Variants in GLI1 observed in about 807,000 individuals in gnomAD.
The protein encoded by GLI1 is transcription activator GLI1.
In GLI1, 51 loss-of-function variants were observed where a neutral mutation model predicts 87.8. The observed-to-expected ratio is 0.58, with a 90% CI of 0.46 to 0.73. The LOEUF is 0.73. GLI1 is among the 30% of genes least tolerant of loss of function. The probability of loss-of-function intolerance (pLI) is 0.00; values close to 1 mark genes in which losing one functional copy is unlikely to be tolerated. For synonymous variants in GLI1, 528 were observed against 558.2 expected (o/e 0.95, Z 0.76); for missense variants, 1,292 against 1,437.2 (o/e 0.90, Z 1.63).
intron 3 of GLI1, among the ~76,000 whole-genome samples, 180 bp from the exon 4 acceptor site, chr12:57,464,493 G>C (rs998621578): frequency 8.7e-5 from 13 of 150,260 alleles, no homozygotes; most frequent in Non-Finnish European, 4.4e-5. Context: ...ACGCACTCCA[G>C]CCTGGGTTAC....
Position 57,463,721 on chromosome 12 carries a change from C to T in GLI1, c.30C>T (p.Ile10=). ...TCAACTCGATGACCCCACCACCAATCAGTAGCTATGGCGAGCCCTGCTGTC... is the reference window on the plus strand; with the variant it reads ...TCAACTCGATGACCCCACCACCAATTAGTAGCTATGGCGAGCCCTGCTGTC... The part of the protein sequence containing the change: MFNSMTPPP[I]SSYGEPCCLR... The change falls in exon 2 of 12, where the codon ATC becomes ATT. Residue 10 remains isoleucine, a synonymous_variant. Transcript: ENST00000228682. 1 of 1,612,614 alleles carries T rather than the reference C, an allele frequency of 6.2e-7. No individual in the cohort carries two copies. The highest frequency in any genetic ancestry group is 8.5e-7 in the Non-Finnish European group (1 of 1,179,544).
rs1425774581 is a variant in GLI1, at chr12:57,472,117, C to G, written c.*56C>G. 40 of 1,291,312 alleles carry G rather than the reference C, an allele frequency of 3.1e-5. No homozygotes were observed. The highest frequency in any genetic ancestry group is 1.8e-5 in the Non-Finnish European group (17 of 954,656). The allele number at this position is 1,291,312 out of a possible 1,614,324, so 80.0% of individuals were successfully genotyped here. On this transcript the variant is annotated 3_prime_UTR_variant, in exon 12 of 12. Transcript: ENST00000228682. The stretch of plus-strand genomic sequence containing the variant: ...CATTTCCTAAGGGGTTTCTATCCTT[C>G]CAGAAAAATTGGGGGAGCTGCAGTC...
At position 57,465,939 on chromosome 12, in the gene GLI1, G is replaced by C; in HGVS notation, c.762+14G>C. 6.2e-7 allele frequency: 1 copy of C among 1,611,912 alleles called. No individual in the cohort carries two copies. Among genetic ancestry groups the C allele is most frequent in the South Asian group, 1.1e-5 (1 of 90,966 alleles). On this transcript the variant is annotated intron_variant, in intron 7 of 11. Coordinates refer to ENST00000228682, the MANE Select transcript of GLI1 (RefSeq NM_005269.3). ...CAGCTGGTGCACGTGAGCCCCAGGG[G>C]GTAACAGGAATGGCTAGCCAGAACC...
intron 1 of GLI1, among the ~76,000 whole-genome samples, chr12:57,462,093 C>T (rs1871175394): frequency 6.6e-6 from 1 of 152,128 alleles, no homozygotes; most frequent in South Asian, 2.1e-4. Flanking sequence ...ACTGAGTAGG[C>T]AAGTTTGGGG....
intron 9 of GLI1, 28 bp downstream of exon 9, chr12:57,467,525 C>G: frequency 6.4e-7 from 1 of 1,562,296 alleles, no homozygotes; most frequent in Non-Finnish European, 8.7e-7. Context: ...GCGACCCTCC[C>G]CTCTTGAGAA....
chr12:57,466,428 A>G, intron 8 of GLI1, 39 bp downstream of exon 8: 1 of 1,551,826 alleles, frequency 6.4e-7, no homozygotes, highest in Non-Finnish European at 8.8e-7. Context: ...TCTCTTCCTA[A>G]ATCAGGGCTC....
chr12:57,464,103 G>C lies in GLI1; in HGVS notation c.193+12G>C. On this transcript the variant is annotated intron_variant, in intron 3 of 11. Coordinates refer to ENST00000228682, the MANE Select transcript of GLI1 (RefSeq NM_005269.3). ...CAGCTGCACCGAGGGTGAGGGCTCA[G>C]GCAACACCTCTTCCCTTTCTGCCCC... 1 of 1,524,680 alleles carries C rather than the reference G, an allele frequency of 6.6e-7. No individual in the cohort carries two copies. Among genetic ancestry groups the C allele is most frequent in the Non-Finnish European group, 9.1e-7 (1 of 1,098,242 alleles). The allele number at this position is 1,524,680 out of a possible 1,614,324, so 94.4% of individuals were successfully genotyped here.
intron 9 of GLI1, 34 bp downstream of exon 9, chr12:57,467,531 G>A: frequency 1.3e-6 from 2 of 1,543,772 alleles, no homozygotes; most frequent in Non-Finnish European, 1.8e-6. Context: ...CTCCCCTCTT[G>A]AGAAGCCACC....
At position 57,464,808 on chromosome 12, in the gene GLI1, T is replaced by G. The variant is rs1260473262; in HGVS notation, c.329T>G (p.Ile110Ser). 3 of 1,613,970 alleles carry G rather than the reference T, an allele frequency of 1.9e-6. No homozygotes were observed. Among genetic ancestry groups the G allele is most frequent in the Admixed American group, 3.3e-5 (2 of 59,994 alleles). ...TCACCCAGCTCCCTCGTAGCTTTCA[T>G]CAACTCGCGATGCACATCTCCAGGA... is the stretch of plus-strand genomic sequence containing the variant. ...RTSPSSLVAF[I>S]NSRCTSPGGS... Residue 110 changes from isoleucine (I) to serine (S), a missense_variant, in exon 4 of 12, where the codon ATC becomes AGC. Transcript: ENST00000228682.
intron 3 of GLI1, 126 bp from the exon 4 acceptor site, chr12:57,464,547 C>T: frequency 1.6e-6 from 1 of 618,272 alleles, no homozygotes. Flanking sequence ...AAAAAAGTCA[C>T]AGATAGCATC....
rs1449397447 is a variant in GLI1, at chr12:57,471,624, G to A, written c.2884G>A (p.Gly962Ser). Reference sequence around the variant, plus strand: ...ACCCAACTTGCCCAATCACAAGTCAGGTTCCTATCCCACCCCTTCACCATG... The same window carrying A: ...ACCCAACTTGCCCAATCACAAGTCAAGTTCCTATCCCACCCCTTCACCATG... ...FGPNLPNHKSGSYPTPSPCHE... is the reference protein window; with the variant it reads ...FGPNLPNHKSSSYPTPSPCHE... Residue 962 changes from glycine (G) to serine (S), a missense_variant, in exon 12 of 12, where the codon GGT (glycine) becomes AGT (serine). Physicochemically the swap from Gly to Ser is moderately conservative, Grantham distance 56. This residue lies in a region of GLI1 where 897 missense variants were observed against 1,040.7 expected (regional missense o/e 0.86). Transcript: ENST00000228682. The surrounding 1 kb of genome is among the most constrained non-coding windows in gnomAD (Gnocchi z 4.9). 3 of 1,613,848 alleles carry A rather than the reference G, an allele frequency of 1.9e-6. No individual in the cohort carries two copies. The highest frequency in any genetic ancestry group is 4.5e-5 in the East Asian group (2 of 44,892).
chr12:57,465,589 C>T lies in GLI1; in HGVS notation c.535-18C>T. 4 of 1,604,542 alleles carry T rather than the reference C, an allele frequency of 2.5e-6. No individual in the cohort carries two copies. The highest frequency in any genetic ancestry group is 3.3e-5 in the Admixed American group (2 of 59,778). On this transcript the variant is annotated intron_variant, in intron 5 of 11. Transcript: ENST00000228682. ...CTTACTTCCACCCTCATCACCGTCA[C>T]CTCTTCCCCTGGGGAAGCTGAAGTC...
intron 8 of GLI1, among the ~76,000 whole-genome samples, chr12:57,466,922 A>T (rs79700476): frequency 0.025 from 3,762 of 151,714 alleles, 139 homozygotes; most frequent in African/African-American, 0.083. Flanking sequence ...AATTTTTTTT[A>T]AAAAAGACAT....
At chr12:57,461,897 T>C (rs1871164428) in intron 1 of GLI1, among the ~76,000 whole-genome samples, 2 of 152,124 alleles carry the variant, frequency 1.3e-5, no homozygotes, top group Admixed American at 6.5e-5. Flanking sequence ...ACCCTAGAGC[T>C]CCCTGTCCCA....
At chr12:57,467,634 C>CGAA (rs1386847044) in intron 9 of GLI1, 137 bp downstream of exon 9, 7 of 750,342 alleles carry the variant, frequency 9.3e-6, no homozygotes, top group Admixed American at 3.0e-5. Context: ...CCAGAAAAGG[C>CGAA]TTTTCTGAAA....
chr12:57,462,466 C>T (rs1871207277), intron 1 of GLI1, among the ~76,000 whole-genome samples: 2 of 152,104 alleles, frequency 1.3e-5, no homozygotes, highest in South Asian at 4.2e-4. Context: ...CCCGCCCCAC[C>T]CCACCCTCAT....
Position 57,470,511 on chromosome 12 carries a change from G to T in GLI1, c.1771G>T (p.Ala591Ser). 22 of 1,613,994 alleles carry T rather than the reference G, an allele frequency of 1.4e-5. No individual in the cohort carries two copies. Among genetic ancestry groups the T allele is most frequent in the Non-Finnish European group, 1.9e-5 (22 of 1,179,908 alleles). ...LMPAQHYLLR[A>S]RYASARGGGT... The stretch of plus-strand genomic sequence containing the variant: ...GCCTGCCCAGCACTACCTGCTTCGG[G>T]CAAGATATGCTTCAGCCAGAGGGGG... The change falls in exon 12 of 12, where the codon GCA (alanine) becomes TCA (serine). Residue 591 changes from alanine (A) to serine (S), a missense_variant. This residue lies in a region of GLI1 where 897 missense variants were observed against 1,040.7 expected (regional missense o/e 0.86). Coordinates refer to ENST00000228682, the MANE Select transcript of GLI1 (RefSeq NM_005269.3).
At chr12:57,465,080 G>A (rs772752046) in intron 4 of GLI1, 31 bp from the exon 5 acceptor site, 1 of 1,611,280 alleles carries the variant, frequency 6.2e-7, no homozygotes, top group Non-Finnish European at 8.5e-7. Flanking sequence ...CTTCCTAATT[G>A]TCTTAAGTAA....
intron 1 of GLI1, among the ~76,000 whole-genome samples, chr12:57,461,658 C>G (rs1871144550): frequency 1.3e-5 from 2 of 152,220 alleles, no homozygotes; most frequent in Admixed American, 6.5e-5. Context: ...TCAGCCCCCA[C>G]CCCTATGGCT....
Sources: allele counts gnomAD v4.1 joint callset (sites outside exome capture counted in the v4.1 genomes callset), GRCh38; gene constraint gnomAD v4.1.1; regional missense constraint gnomAD v4.1.1; non-coding constraint Gnocchi (gnomAD v3.1); transcripts MANE v1.5; gene names NCBI Gene and HGNC (gene_info 2026-07-23, HGNC 2026-07-21).